The following ITGA11 variants were observed in gnomAD, a reference collection of about 807,000 sequenced individuals.
ITGA11 encodes integrin subunit alpha 11.
Under a neutral mutation model 141.9 loss-of-function variants are expected in ITGA11, and 97 were observed. The ratio of observed to expected loss-of-function variants is 0.68; its 90% confidence interval spans 0.58 to 0.81. The LOEUF is 0.81. Among genes scored for constraint, ITGA11 ranks in the 30% least tolerant of loss-of-function variants. ITGA11 has a pLI of 0.00. For synonymous variants in ITGA11, 658 were observed against 624.6 expected, an observed-to-expected ratio of 1.05 and a Z score of -0.80; for missense variants, 1,387 against 1,559.2, an observed-to-expected ratio of 0.89 and a Z score of 1.86.
chr15:68,396,990 TATATAATATATAATATATATTA>T (rs1449235939), intron 2 of ITGA11, among the ~76,000 whole-genome samples: 4 of 24,684 alleles, frequency 1.6e-4, no homozygotes, highest in Non-Finnish European at 1.7e-4. Context: ...TATTATTTAT[TATATAATATATAATATATATTA>T]CTTATTATAT....
At chr15:68,409,873 C>G (rs949224646) in intron 1 of ITGA11, among the ~76,000 whole-genome samples, 1 of 152,228 alleles carries the variant, frequency 6.6e-6, no homozygotes, top group Admixed American at 6.5e-5. Flanking sequence ...TTTGAGGCCT[C>G]ACGGGTCCCG....
chr15:68,382,859 C>G (rs1433556241), intron 2 of ITGA11, among the ~76,000 whole-genome samples: 1 of 152,182 alleles, frequency 6.6e-6, no homozygotes, highest in Non-Finnish European at 1.5e-5. Flanking sequence ...ATGACAGAAA[C>G]CTTGTCAAGA....
At chr15:68,339,327 A>G (rs1567135454) in intron 11 of ITGA11, among the ~76,000 whole-genome samples, 173 bp downstream of exon 11, 1 of 152,172 alleles carries the variant, frequency 6.6e-6, no homozygotes, top group East Asian at 1.9e-4. Context: ...GGCGCGGTGG[A>G]TACCAGGGTG....
intron 21 of ITGA11, among the ~76,000 whole-genome samples, chr15:68,316,153 G>A (rs899434143): frequency 6.6e-6 from 1 of 152,340 alleles, no homozygotes. Flanking sequence ...TGGTAGGACT[G>A]CCTTGTCCAC....
At chr15:68,373,145 C>A (rs757457376) in intron 2 of ITGA11, among the ~76,000 whole-genome samples, 1 of 152,142 alleles carries the variant, frequency 6.6e-6, no homozygotes, top group Non-Finnish European at 1.5e-5. Flanking sequence ...CATAAATTCC[C>A]ACCTGCTCCA....
At position 68,331,998 on chromosome 15, in the gene ITGA11, G is replaced by A; in HGVS notation, c.1631C>T (p.Ser544Phe). 6.2e-7 allele frequency: 1 copy of A among 1,612,364 alleles called. No individual in the cohort carries two copies. The highest frequency in any genetic ancestry group is 8.5e-7 in the Non-Finnish European group (1 of 1,179,284). The change falls in exon 14 of 30, where the codon TCC becomes TTC. Residue 544 changes from serine to phenylalanine, a missense_variant. Transcript: ENST00000315757. ...GAGGTCTCGAACTGAGGCAATGGAG[G>A]ACCCAAATCGGGCATTCTGGTAACT... is the stretch of plus-strand genomic sequence containing the variant. Reference protein sequence around the residue: ...SHSYQNARFGSSIASVRDLNQ... With the variant: ...SHSYQNARFGFSIASVRDLNQ...
chr15:68,422,422 G>A (rs73433996), intron 1 of ITGA11, among the ~76,000 whole-genome samples: 3,324 of 151,950 alleles, frequency 0.022, 118 homozygotes, highest in African/African-American at 0.069. Flanking sequence ...TATCCCCCTG[G>A]GTTCACTCCT....
chr15:68,311,070 G>A lies in ITGA11; in HGVS notation c.3098C>T (p.Ser1033Phe). ...AGTGCTATTGCCCCAGATGTTACAG[G>A]ACGTGTTCGCCTACATAAAGGACAT... ...RDFLTDEANT[S>F]CNIWGNSTEY... The change falls in exon 26 of 30, where the codon TCC becomes TTC. Residue 1033 changes from serine to phenylalanine, a missense_variant. Coordinates refer to ENST00000315757, the MANE Select transcript of ITGA11 (RefSeq NM_001004439.2). 3 of 1,607,604 alleles carry A rather than the reference G, an allele frequency of 1.9e-6. No individual in the cohort carries two copies. The highest frequency in any genetic ancestry group is 2.5e-6 in the Non-Finnish European group (3 of 1,176,940).
In ITGA11 at chr15:68,364,798, C is replaced by T. The variant is rs757784144; in HGVS notation, c.266G>A (p.Gly89Glu). 2 of 1,613,748 alleles carry T rather than the reference C, an allele frequency of 1.2e-6. No individual in the cohort carries two copies. Among genetic ancestry groups the T allele is most frequent in the Non-Finnish European group, 1.7e-6 (2 of 1,179,794 alleles). Reference protein sequence around the residue: ...IHGNCTKLNLGRVTLSNVSER... With the variant: ...IHGNCTKLNLERVTLSNVSER... ...GGACACGTTGGACAGGGTGACCCTT[C>T]CTGGGGTTGGGGGAGAAGTTCAGCT... The change falls in exon 4 of 30, where the codon GGA becomes GAA. Residue 89 changes from glycine (G) to glutamate (E), a missense_variant and splice_region_variant. By Grantham distance (98) the Gly-to-Glu change is moderately conservative. Transcript: ENST00000315757.
At chr15:68,389,144 GCCT>G (rs1896057885) in intron 2 of ITGA11, among the ~76,000 whole-genome samples, 1 of 152,132 alleles carries the variant, frequency 6.6e-6, no homozygotes, top group Admixed American at 6.5e-5. Flanking sequence ...CCACCTGGAA[GCCT>G]CCTCCTTCAC....
chr15:68,351,821 G>A (rs892362090), intron 7 of ITGA11, among the ~76,000 whole-genome samples: 1 of 152,066 alleles, frequency 6.6e-6, no homozygotes, highest in Non-Finnish European at 1.5e-5. Context: ...GGTGGCTCAC[G>A]CCTGTAGTCC....
At chr15:68,365,748 T>G (rs1005061003) in intron 3 of ITGA11, among the ~76,000 whole-genome samples, 2 of 152,094 alleles carry the variant, frequency 1.3e-5, no homozygotes, top group Admixed American at 6.5e-5. Context: ...TTCTTTTCTT[T>G]TTTTTGAGGC....
At position 68,322,888 on chromosome 15, in the gene ITGA11, G is replaced by A. The variant is rs1427539330; in HGVS notation, c.2323-1385C>T. ...AAAAAAAAAAGAAAGTAGGGGTTAAGTGAGAAGTTCAGTGTGCGGCATGTT... is the reference window on the plus strand; with the variant it reads ...AAAAAAAAAAGAAAGTAGGGGTTAAATGAGAAGTTCAGTGTGCGGCATGTT... On this transcript the variant is annotated intron_variant, in intron 18 of 29. Coordinates refer to ENST00000315757, the MANE Select transcript of ITGA11 (RefSeq NM_001004439.2). This position sits in a 1 kb window ranked among gnomAD's most constrained non-coding sequence, Gnocchi z 5.6. Among the ~76,000 whole-genome samples the A allele has an allele frequency of 2.0e-5, 3 of 151,422 alleles. No individual in the cohort carries two copies. The highest frequency in any genetic ancestry group is 2.9e-5 in the Non-Finnish European group (2 of 67,904).
At chr15:68,374,077 A>G (rs78772553) in intron 2 of ITGA11, among the ~76,000 whole-genome samples, 6,646 of 152,294 alleles carry the variant, frequency 0.044, 433 homozygotes, top group African/African-American at 0.15. Flanking sequence ...TAGAAATTCC[A>G]TATGTTATTA....
chr15:68,428,299 G>A (rs972699469), intron 1 of ITGA11, among the ~76,000 whole-genome samples: 1 of 152,170 alleles, frequency 6.6e-6, no homozygotes, highest in African/African-American at 2.4e-5. Flanking sequence ...GGTCCCTGCT[G>A]TTAGAAGAAG....
Position 68,339,555 on chromosome 15 carries a change from G to T in ITGA11, c.1221C>A (p.Arg407=), listed in dbSNP as rs778151706. ...CGGGGAACTCTTTCAGGTAGGACTC[G>T]CGGAGAGGAATGACCTTCCCGGCAC... ...ETSAGKVIPL[R]ESYLKEFPEE... The change falls in exon 11 of 30, where the codon CGC becomes CGA. Residue 407 remains arginine, a synonymous_variant. Coordinates refer to ENST00000315757, the MANE Select transcript of ITGA11 (RefSeq NM_001004439.2). The T allele has an allele frequency of 6.2e-7, 1 of 1,613,928 alleles. No homozygotes were observed. The highest frequency in any genetic ancestry group is 1.1e-5 in the South Asian group (1 of 91,076).
Position 68,372,444 on chromosome 15 carries a change from C to T in ITGA11, c.165-3160G>A, listed in dbSNP as rs1036316696. Reference sequence around the variant, plus strand: ...TGGGCACCAGACGGCACAGCAAACCCCAAAGGTCGTGGCGAGCATCCGGCC... The same window carrying T: ...TGGGCACCAGACGGCACAGCAAACCTCAAAGGTCGTGGCGAGCATCCGGCC... On this transcript the variant is annotated intron_variant, in intron 2 of 29. Transcript: ENST00000315757. Among the ~76,000 whole-genome samples, 5 of 152,188 alleles carry T rather than the reference C, an allele frequency of 3.3e-5. 1 individual carries two copies. The highest frequency in any genetic ancestry group is 2.6e-4 in the Admixed American group (4 of 15,286).
intron 26 of ITGA11, among the ~76,000 whole-genome samples, chr15:68,310,041 C>T (rs1439380461): frequency 6.6e-6 from 1 of 152,108 alleles, no homozygotes; most frequent in Admixed American, 6.5e-5. Flanking sequence ...TTTGAAATCC[C>T]CTCATGTGTG....
intron 2 of ITGA11, among the ~76,000 whole-genome samples, chr15:68,393,219 G>A (rs1896158826): frequency 6.6e-6 from 1 of 152,070 alleles, no homozygotes; most frequent in Non-Finnish European, 1.5e-5. Context: ...ATAAAAAACT[G>A]AACAGAAATA....
Sources: gnomAD v4.1 joint callset for allele counts (sites outside exome capture counted in the v4.1 genomes callset) on GRCh38, gnomAD v4.1.1 for gene constraint, Gnocchi (gnomAD v3.1) non-coding constraint, MANE v1.5 for transcripts, NCBI Gene and HGNC (gene_info 2026-07-23, HGNC 2026-07-21) for gene names.